The following ASCC1 variants were observed in gnomAD, a reference collection of about 807,000 sequenced individuals.
The protein encoded by ASCC1 is activating signal cointegrator 1 complex subunit 1, also known as ASC-1 complex subunit P50.
Under a neutral mutation model 46.6 loss-of-function variants are expected in ASCC1, and 35 were observed. The observed-to-expected ratio is 0.75, with a 90% CI of 0.57 to 0.99. The LOEUF (loss-of-function observed/expected upper bound fraction) is 0.99. Among genes scored for constraint, ASCC1 ranks in the 50% least tolerant of loss-of-function variants. The probability of loss-of-function intolerance (pLI) is 0.00; values close to 1 mark genes in which losing one functional copy is unlikely to be tolerated. For synonymous variants in ASCC1, 143 were observed against 146.6 expected (o/e 0.98, Z 0.18); for missense variants, 376 against 428.7 (o/e 0.88, Z 1.09).
chr10:72,215,248 AAGT>A (rs1345578975), intron 1 of ASCC1, among the ~76,000 whole-genome samples: 5 of 152,244 alleles, frequency 3.3e-5, no homozygotes, highest in Admixed American at 2.0e-4. Flanking sequence ...AAAATACAGA[AAGT>A]AGCCGGGTGT....
intron 9 of ASCC1, among the ~76,000 whole-genome samples, chr10:72,125,596 A>G (rs2132200174): frequency 6.6e-6 from 1 of 152,338 alleles, no homozygotes; most frequent in African/African-American, 2.4e-5. Flanking sequence ...CTTCACAAGC[A>G]TATTTAACTG....
chr10:72,162,799 T>C (rs773223292), intron 5 of ASCC1, among the ~76,000 whole-genome samples: 4 of 151,740 alleles, frequency 2.6e-5, no homozygotes, highest in Non-Finnish European at 4.4e-5. Context: ...AAAAATTAGC[T>C]GGGTGTGGTG....
At chr10:72,152,591 G>C (rs1386351231) in intron 7 of ASCC1, among the ~76,000 whole-genome samples, 1 of 152,126 alleles carries the variant, frequency 6.6e-6, no homozygotes, top group African/African-American at 2.4e-5. Context: ...AGCTACTTGA[G>C]AGGCTGAAGC....
At chr10:72,215,923 G>C (rs1439638959) in intron 1 of ASCC1, 2 of 152,334 alleles carry the variant, frequency 1.3e-5, no homozygotes, top group African/African-American at 4.8e-5. Flanking sequence ...GCGAGGAGGA[G>C]GACCCGGAAT....
chr10:72,162,035 T>C (rs771180643), intron 5 of ASCC1, among the ~76,000 whole-genome samples: 2 of 151,682 alleles, frequency 1.3e-5, no homozygotes, highest in Non-Finnish European at 2.9e-5. Context: ...AAGAACACTA[T>C]CAGGAAAGTG....
chr10:72,103,070 A>C, intron 9 of ASCC1: 2 of 378,454 alleles, frequency 5.3e-6, no homozygotes, highest in Non-Finnish European at 1.0e-5. Context: ...TTATTAAGTA[A>C]ACACATGTGC....
At chr10:72,101,150 C>T (rs1841705576) in intron 9 of ASCC1, among the ~76,000 whole-genome samples, 1 of 152,150 alleles carries the variant, frequency 6.6e-6, no homozygotes, top group African/African-American at 2.4e-5. Flanking sequence ...AGTTCTGTCT[C>T]CCAAGTGCTT....
intron 6 of ASCC1, among the ~76,000 whole-genome samples, chr10:72,160,822 G>A (rs1003729518): frequency 1.5e-4 from 22 of 148,428 alleles, no homozygotes; most frequent in East Asian, 1.4e-3. Flanking sequence ...GGTTGCTCAC[G>A]CCTGTAATCC....
intron 9 of ASCC1, among the ~76,000 whole-genome samples, chr10:72,104,576 G>T (rs1409650883): frequency 6.6e-6 from 1 of 152,088 alleles, no homozygotes; most frequent in Non-Finnish European, 1.5e-5. Context: ...AATTAAAAAA[G>T]AATCTAGTTA....
intron 4 of ASCC1, among the ~76,000 whole-genome samples, chr10:72,202,087 A>G (rs1856577069): frequency 6.6e-6 from 1 of 152,166 alleles, no homozygotes; most frequent in Non-Finnish European, 1.5e-5. Flanking sequence ...CTGTCTGGAT[A>G]AAAAATAAAT....
intron 9 of ASCC1, among the ~76,000 whole-genome samples, chr10:72,106,297 T>C (rs1298944405): frequency 6.6e-6 from 1 of 151,700 alleles, no homozygotes; most frequent in Non-Finnish European, 1.5e-5. Context: ...TATAATCTGA[T>C]GCAACTGAAA....
At chr10:72,194,028 G>A (rs1164668344) in intron 5 of ASCC1, among the ~76,000 whole-genome samples, 1 of 149,938 alleles carries the variant, frequency 6.7e-6, no homozygotes, top group Non-Finnish European at 1.5e-5. Flanking sequence ...ATTTTTAGTA[G>A]AGACGGGGTT....
At chr10:72,128,964 T>G (rs1263035703) in intron 8 of ASCC1, among the ~76,000 whole-genome samples, 1 of 152,244 alleles carries the variant, frequency 6.6e-6, no homozygotes, top group African/African-American at 2.4e-5. Context: ...ATATTAATCA[T>G]TTCCTACCCA....
intron 5 of ASCC1, among the ~76,000 whole-genome samples, chr10:72,179,853 GA>G (rs950074158): frequency 6.6e-6 from 1 of 151,658 alleles, no homozygotes; most frequent in African/African-American, 2.4e-5. Flanking sequence ...ATTACTAGCA[GA>G]AAAAAAATGC....
chr10:72,189,633 T>C (rs920317725), intron 5 of ASCC1, among the ~76,000 whole-genome samples: 1 of 151,574 alleles, frequency 6.6e-6, no homozygotes, highest in Admixed American at 6.6e-5. Flanking sequence ...AGAAACCCCA[T>C]CTCTATTAAA....
At chr10:72,145,327 T>C (rs890687804) in intron 7 of ASCC1, among the ~76,000 whole-genome samples, 6 of 152,224 alleles carry the variant, frequency 3.9e-5, no homozygotes, top group African/African-American at 1.4e-4. Flanking sequence ...CCCCTCTAAT[T>C]TCTTCAGGTC....
intron 6 of ASCC1, among the ~76,000 whole-genome samples, chr10:72,157,689 TGTACTTA>T (rs1174579681): frequency 2.0e-5 from 3 of 152,204 alleles, no homozygotes; most frequent in South Asian, 4.1e-4. Flanking sequence ...ACAACCTGAG[TGTACTTA>T]ACACTACTGA....
chr10:72,097,884 A>C (rs2131851925), intron 9 of ASCC1, among the ~76,000 whole-genome samples: 1 of 152,274 alleles, frequency 6.6e-6, no homozygotes. Context: ...ACATATATCT[A>C]ATCAACGCCA....
At chr10:72,213,930 C>T (rs1408886244) in intron 1 of ASCC1, among the ~76,000 whole-genome samples, 3 of 151,818 alleles carry the variant, frequency 2.0e-5, no homozygotes, top group African/African-American at 2.4e-5. Context: ...CCCAGCTACT[C>T]GGGAGGCTGA....
Sources: allele counts gnomAD v4.1 joint callset (sites outside exome capture counted in the v4.1 genomes callset), GRCh38; gene constraint gnomAD v4.1.1; transcripts MANE v1.5; gene names NCBI Gene and HGNC (gene_info 2026-07-23, HGNC 2026-07-21).